The following STAT4 variants were observed in gnomAD, a reference collection of about 807,000 sequenced individuals.
The protein encoded by STAT4 is signal transducer and activator of transcription 4.
In STAT4, 42 loss-of-function variants were observed where a neutral mutation model predicts 110.5. The ratio of observed to expected loss-of-function variants is 0.38; its 90% CI spans 0.30 to 0.49. The LOEUF is 0.49. Among genes scored for constraint, STAT4 ranks in the 20% least tolerant of loss-of-function variants. The pLI, the probability that STAT4 is intolerant of heterozygous loss-of-function variation, is 0.95. For synonymous variants in STAT4, 284 were observed against 302.2 expected (o/e 0.94, Z 0.63); for missense variants, 632 against 887.9 (o/e 0.71, Z 3.66).
intron 3 of STAT4, among the ~76,000 whole-genome samples, chr2:191,141,331 C>T (rs1322434943): frequency 2.0e-5 from 3 of 150,730 alleles, no homozygotes; most frequent in Non-Finnish European, 1.5e-5. Context: ...CAAATTGAAA[C>T]CACAATAAGA....
rs186340823 is a variant in STAT4 at position 191,074,606 on chromosome 2, T to G, written c.373-1416A>C. The stretch of plus-strand genomic sequence containing the variant: ...ACACACACGTGCACAGACGAATAAC[T>G]AGATATAAGAAGGGTTCAAAAAAGG... On this transcript the variant is annotated intron_variant, in intron 4 of 23. Transcript: ENST00000392320. Among the ~76,000 whole-genome samples the G allele has an allele frequency of 3.0e-3, 459 of 152,194 alleles. 1 individual carries two copies. The highest frequency in any genetic ancestry group is 0.01 in the African/African-American group (426 of 41,528).
chr2:191,095,065 A>T (rs1406546105), intron 3 of STAT4, among the ~76,000 whole-genome samples: 1 of 152,206 alleles, frequency 6.6e-6, no homozygotes, highest in Non-Finnish European at 1.5e-5. Context: ...TATCCTAAAC[A>T]TATATGCACC....
At chr2:191,123,295 C>T (rs1277120016) in intron 3 of STAT4, among the ~76,000 whole-genome samples, 1 of 152,156 alleles carries the variant, frequency 6.6e-6, no homozygotes, top group Non-Finnish European at 1.5e-5. Context: ...AGAAAGACCA[C>T]CTCCCCCGCT....
rs1252313646 is a variant in STAT4 at position 191,050,850 on chromosome 2, C to T, written c.1251+3640G>A. Among the ~76,000 whole-genome samples, 1 of 152,216 alleles carries T rather than the reference C, an allele frequency of 6.6e-6. No individual in the cohort carries two copies. The highest frequency in any genetic ancestry group is 2.4e-5 in the African/African-American group (1 of 41,450). On this transcript the variant is annotated intron_variant, in intron 14 of 23. Coordinates refer to ENST00000392320, the MANE Select transcript of STAT4 (RefSeq NM_003151.4). The surrounding 1 kb of genome is among the most constrained non-coding windows in gnomAD (Gnocchi z 4.3). ...AGCCAGGAGCCCCTGTACGTCCTGA[C>T]AGCTCAGCTCTTCTTGGGTAATCTC...
Position 191,036,170 on chromosome 2 carries a change from G to C in STAT4, c.1564C>G (p.Leu522Val). 6.2e-7 allele frequency: 1 copy of C among 1,614,104 alleles called. No individual in the cohort carries two copies. The highest frequency in any genetic ancestry group is 8.5e-7 in the Non-Finnish European group (1 of 1,179,992). Residue 522 changes from leucine (L) to valine (V), a missense_variant, in exon 17 of 24, where the codon CTT becomes GTT. By Grantham distance (32) the Leu-to-Val change is conservative. Coordinates refer to ENST00000392320, the MANE Select transcript of STAT4 (RefSeq NM_003151.4). ...SDQLHMLAEK[L>V]TVQSSYSDGH... ...TCTATCTACCAGCTCTCACCTGTAA[G>C]CTTCTCTGCCAGCATATGGAGTTGA... is the stretch of plus-strand genomic sequence containing the variant.
chr2:191,043,389 T>G lies in STAT4; in HGVS notation c.1252-2241A>C, dbSNP rs1054748984. On this transcript the variant is annotated intron_variant, in intron 14 of 23. Transcript: ENST00000392320. The surrounding 1 kb of genome is among the most constrained non-coding windows in gnomAD (Gnocchi z 4.8). ...ACTGCAGCAACAAACTAACACAAGTTCTGGAAAGAGAACAGAGAAAATGGA... is the reference window on the plus strand; with the variant it reads ...ACTGCAGCAACAAACTAACACAAGTGCTGGAAAGAGAACAGAGAAAATGGA... Among the ~76,000 whole-genome samples the G allele has an allele frequency of 6.6e-6, 1 of 152,132 alleles. No individual in the cohort carries two copies. Among genetic ancestry groups the G allele is most frequent in the Non-Finnish European group, 1.5e-5 (1 of 68,024 alleles).
chr2:191,076,805 C>T (rs1198082770), intron 3 of STAT4, among the ~76,000 whole-genome samples: 1 of 152,012 alleles, frequency 6.6e-6, no homozygotes, highest in Non-Finnish European at 1.5e-5. Flanking sequence ...ACCACCATGC[C>T]CAGCTAATTT....
At chr2:191,136,990 A>C (rs1396498778) in intron 3 of STAT4, among the ~76,000 whole-genome samples, 2 of 151,486 alleles carry the variant, frequency 1.3e-5, no homozygotes, top group African/African-American at 4.8e-5. Context: ...CTTGGGAATA[A>C]ATTTAACGAA....
chr2:191,055,653 G>T (rs1183694626), intron 13 of STAT4, among the ~76,000 whole-genome samples: 1 of 152,084 alleles, frequency 6.6e-6, no homozygotes, highest in Non-Finnish European at 1.5e-5. Flanking sequence ...ACGCCCAGCT[G>T]ATTTTTATTT....
At position 191,035,490 on chromosome 2, in the gene STAT4, T is replaced by C. The variant is rs3024887; in HGVS notation, c.1570+674A>G. Among the ~76,000 whole-genome samples the C allele has an allele frequency of 2.6e-5, 4 of 152,226 alleles. No homozygotes were observed. Among genetic ancestry groups the C allele is most frequent in the African/African-American group, 9.6e-5 (4 of 41,452 alleles). On this transcript the variant is annotated intron_variant, in intron 17 of 23. Coordinates refer to ENST00000392320, the MANE Select transcript of STAT4 (RefSeq NM_003151.4). This position sits in a 1 kb window ranked among gnomAD's most constrained non-coding sequence, Gnocchi z 4.7. ...CTAGAAACGCATATAGATCTAATTT[T>C]AACTCTTTTTTTGGTGTTAAATATG...
chr2:191,042,056 C>G lies in STAT4; in HGVS notation c.1252-908G>C, dbSNP rs1696215519. ...GGCTTAAAAGCTCCTGGAAAGGTAT[C>G]TGGGAAGTTTGCCAGACCAAGGGAG... On this transcript the variant is annotated intron_variant, in intron 14 of 23. Transcript: ENST00000392320. This position sits in a 1 kb window ranked among gnomAD's most constrained non-coding sequence, Gnocchi z 4.2. 6.6e-6 allele frequency among the ~76,000 whole-genome samples: 1 copy of G among 152,178 alleles called. No homozygotes were observed. The highest frequency in any genetic ancestry group is 6.5e-5 in the Admixed American group (1 of 15,282).
chr2:191,069,576 A>G (rs1051243130), intron 6 of STAT4, 117 bp downstream of exon 6: 6 of 772,024 alleles, frequency 7.8e-6, no homozygotes, highest in African/African-American at 7.1e-5. Flanking sequence ...TACTCCCTGT[A>G]TTTCCCTAGG....
rs1157931600 is a variant in STAT4, at chr2:191,037,770, GAA to G, written c.1434+1427_1434+1428del. On this transcript the variant is annotated intron_variant, in intron 16 of 23. Coordinates refer to ENST00000392320, the MANE Select transcript of STAT4 (RefSeq NM_003151.4). The surrounding 1 kb of genome is among the most constrained non-coding windows in gnomAD (Gnocchi z 4.8). Reference sequence around the variant, plus strand: ...GCAATAGGAAGAGGAGGAATGAAGAGAAAGAATTTCTAGGGAGATGGTTTTTT... The same window carrying G: ...GCAATAGGAAGAGGAGGAATGAAGAGAGAATTTCTAGGGAGATGGTTTTTT... 2.0e-5 allele frequency among the ~76,000 whole-genome samples: 3 copies of G among 152,178 alleles called. No homozygotes were observed. Among genetic ancestry groups the G allele is most frequent in the Non-Finnish European group, 4.4e-5 (3 of 68,024 alleles).
At chr2:191,076,564 A>G (rs749375978) in intron 3 of STAT4, among the ~76,000 whole-genome samples, 8 of 152,020 alleles carry the variant, frequency 5.3e-5, no homozygotes, top group Non-Finnish European at 1.2e-4. Flanking sequence ...ACAATGAAAA[A>G]TGGTTCTCGA....
chr2:191,147,967 T>C lies in STAT4; in HGVS notation c.128+109A>G, dbSNP rs1160610099. 6.9e-7 allele frequency: 1 copy of C among 1,442,940 alleles called. No homozygotes were observed. Among genetic ancestry groups the C allele is most frequent in the East Asian group, 2.4e-5 (1 of 41,266 alleles). The allele number at this position is 1,442,940 out of a possible 1,614,324, so 89.4% of individuals were successfully genotyped here. A position where few individuals can be genotyped will look rare whatever the true frequency, so the allele number is the denominator to read the frequency against. Reference sequence around the variant, plus strand: ...CAAATCCTTGAGAAAGTTCTTTACCTGAAAAGAATGCATCTACTGAGTAAA... The same window carrying C: ...CAAATCCTTGAGAAAGTTCTTTACCCGAAAAGAATGCATCTACTGAGTAAA... On this transcript the variant is annotated intron_variant, in intron 2 of 23. Coordinates refer to ENST00000392320, the MANE Select transcript of STAT4 (RefSeq NM_003151.4). The surrounding 1 kb of genome is among the most constrained non-coding windows in gnomAD (Gnocchi z 4.1).
intron 3 of STAT4, among the ~76,000 whole-genome samples, chr2:191,098,626 G>A (rs1380532457): frequency 6.6e-6 from 1 of 152,178 alleles, no homozygotes; most frequent in Non-Finnish European, 1.5e-5. Flanking sequence ...GGGGCCGGGG[G>A]AGGGATAGCA....
rs1325347969 is a variant in STAT4, at chr2:191,143,793, T to A, written c.273+2820A>T. Among the ~76,000 whole-genome samples the A allele has an allele frequency of 5.3e-5, 4 of 75,040 alleles. No individual in the cohort carries two copies. The highest frequency in any genetic ancestry group is 1.0e-4 in the Non-Finnish European group (4 of 39,674). 49.2% of individuals were successfully genotyped at this position (75,040 alleles called of 152,430 possible). On this transcript the variant is annotated intron_variant, in intron 3 of 23. Coordinates refer to ENST00000392320, the MANE Select transcript of STAT4 (RefSeq NM_003151.4). The surrounding 1 kb of genome is among the most constrained non-coding windows in gnomAD (Gnocchi z 5.6). ...GCGTCAACAGCCTTTTGATAGGGAA[T>A]TTTTTTTTTCTTTTTTGTGGGGAAG...
Position 191,090,377 on chromosome 2 carries a change from C to G in STAT4, c.274-14052G>C, listed in dbSNP as rs1697756972. Reference sequence around the variant, plus strand: ...TCACTCAAAGTTAGCTTTAAATTCTCTCATCGTCGCAAAGGTTTTCTTGAT... The same window carrying G: ...TCACTCAAAGTTAGCTTTAAATTCTGTCATCGTCGCAAAGGTTTTCTTGAT... On this transcript the variant is annotated intron_variant, in intron 3 of 23. Transcript: ENST00000392320. The surrounding 1 kb of genome is among the most constrained non-coding windows in gnomAD (Gnocchi z 4.2). Among the ~76,000 whole-genome samples, 1 of 152,054 alleles carries G rather than the reference C, an allele frequency of 6.6e-6. No homozygotes were observed. The highest frequency in any genetic ancestry group is 1.5e-5 in the Non-Finnish European group (1 of 68,014).
At chr2:191,084,707 T>G (rs982320689) in intron 3 of STAT4, among the ~76,000 whole-genome samples, 7 of 152,088 alleles carry the variant, frequency 4.6e-5, no homozygotes, top group Non-Finnish European at 8.8e-5. Context: ...GTGAGCAAGT[T>G]AGCTAAATTT....
Sources: allele counts gnomAD v4.1 joint callset (sites outside exome capture counted in the v4.1 genomes callset), GRCh38; gene constraint gnomAD v4.1.1; non-coding constraint Gnocchi (gnomAD v3.1); transcripts MANE v1.5; gene names NCBI Gene and HGNC (gene_info 2026-07-23, HGNC 2026-07-21).